Variants in KCNH1 observed in about 807,000 individuals in gnomAD.
The protein encoded by KCNH1 is voltage-gated delayed rectifier potassium channel KCNH1.
Under a neutral mutation model 69.2 loss-of-function variants are expected in KCNH1, and 27 were observed. The observed-to-expected ratio is 0.39, with a 90% CI of 0.29 to 0.54. The LOEUF (loss-of-function observed/expected upper bound fraction) is 0.54. Among genes scored for constraint, KCNH1 ranks in the 20% least tolerant of loss-of-function variants. The pLI, the probability that KCNH1 is intolerant of heterozygous loss-of-function variation, is 0.68. For missense variants in KCNH1, 798 were observed against 1,261.6 expected (o/e 0.63, Z 5.57); for synonymous variants, 456 against 487.7 (o/e 0.93, Z 0.86).
intron 10 of KCNH1, among the ~76,000 whole-genome samples, chr1:210,722,990 C>CTGA (rs572286636): frequency 4.8e-4 from 73 of 152,222 alleles, no homozygotes; most frequent in African/African-American, 1.8e-3. Flanking sequence ...ACAACTTAAC[C>CTGA]TGATAAAAAA....
intron 9 of KCNH1, among the ~76,000 whole-genome samples, chr1:210,793,877 G>A (rs934299428): frequency 3.3e-5 from 5 of 152,162 alleles, no homozygotes; most frequent in African/African-American, 1.2e-4. Flanking sequence ...ATGGCAATGC[G>A]AATCATGCAG....
rs533139542 is a variant in KCNH1, at chr1:211,077,253, C to T, written c.558+5527G>A. On this transcript the variant is annotated intron_variant, in intron 5 of 10. Transcript: ENST00000271751. ...GGCCAACATTCAAATTCAGGAAATA[C>T]GGAGAACTCCACAGACACTCCTCGG... Among the ~76,000 whole-genome samples the T allele has an allele frequency of 5.9e-5, 9 of 152,180 alleles. No homozygotes were observed. In the South Asian group the frequency reaches 6.2e-4, roughly 11 times the overall value.
At chr1:211,072,263 G>A (rs981752240) in intron 5 of KCNH1, among the ~76,000 whole-genome samples, 1 of 152,162 alleles carries the variant, frequency 6.6e-6, no homozygotes, top group African/African-American at 2.4e-5. Flanking sequence ...GCGGCAGAGG[G>A]AGAATCCATC....
intron 5 of KCNH1, among the ~76,000 whole-genome samples, chr1:211,048,622 C>T (rs1349942959): frequency 6.6e-6 from 1 of 152,114 alleles, no homozygotes; most frequent in East Asian, 1.9e-4. Context: ...TATGTTCTCA[C>T]TTATAAGTGC....
chr1:210,989,170 T>G (rs1464505807), intron 6 of KCNH1, among the ~76,000 whole-genome samples: 1 of 152,194 alleles, frequency 6.6e-6, no homozygotes, highest in Non-Finnish European at 1.5e-5. Flanking sequence ...GGGCCAAGTT[T>G]TGTGCTTTTT....
intron 6 of KCNH1, among the ~76,000 whole-genome samples, chr1:210,933,159 T>C (rs1687707814): frequency 6.6e-6 from 1 of 152,186 alleles, no homozygotes; most frequent in African/African-American, 2.4e-5. Flanking sequence ...GTGGCACATA[T>C]ACACCATGGA....
In KCNH1 at chr1:211,012,576, G is replaced by A. The variant is rs7534551; in HGVS notation, c.1032+6207C>T. The stretch of plus-strand genomic sequence containing the variant: ...TGTGATTCCTATGTTATGACATTCT[G>A]AAAATGCAAAACTATAAAGACATCA... On this transcript the variant is annotated intron_variant, in intron 6 of 10. Transcript: ENST00000271751. Among the ~76,000 whole-genome samples, 1,160 of 152,254 alleles carry A rather than the reference G, an allele frequency of 7.6e-3. 19 individuals are homozygous for A. The highest frequency in any genetic ancestry group is 0.026 in the African/African-American group (1,100 of 41,534).
intron 3 of KCNH1, among the ~76,000 whole-genome samples, chr1:211,096,809 A>G (rs1488393319): frequency 6.6e-6 from 1 of 152,244 alleles, no homozygotes; most frequent in Non-Finnish European, 1.5e-5. Flanking sequence ...AGCATGGCCA[A>G]TAAATCTTTG....
chr1:210,980,637 T>C (rs780977036), intron 6 of KCNH1, among the ~76,000 whole-genome samples: 1 of 152,222 alleles, frequency 6.6e-6, no homozygotes, highest in Non-Finnish European at 1.5e-5. Context: ...CTGCATTATA[T>C]GATCCAAGGC....
chr1:210,857,377 G>A (rs1030405585), intron 7 of KCNH1, among the ~76,000 whole-genome samples: 2 of 151,932 alleles, frequency 1.3e-5, no homozygotes, highest in African/African-American at 2.4e-5. Flanking sequence ...TATGCGTAAG[G>A]CCGGACCTTT....
intron 7 of KCNH1, among the ~76,000 whole-genome samples, chr1:210,820,445 C>A (rs1684905996): frequency 6.6e-6 from 1 of 151,942 alleles, no homozygotes; most frequent in Admixed American, 6.6e-5. Context: ...ACCAGCCTGG[C>A]CAACATGGTG....
intron 6 of KCNH1, among the ~76,000 whole-genome samples, chr1:210,995,035 A>G (rs1313889716): frequency 6.6e-6 from 1 of 152,174 alleles, no homozygotes; most frequent in East Asian, 1.9e-4. Context: ...TCTACCCAAT[A>G]TCCATTTCCC....
chr1:210,738,154 G>A (rs1343839059), intron 10 of KCNH1, among the ~76,000 whole-genome samples: 1 of 152,048 alleles, frequency 6.6e-6, no homozygotes, highest in Non-Finnish European at 1.5e-5. Context: ...AGACACCTCA[G>A]GGCCTTTGCA....
intron 5 of KCNH1, among the ~76,000 whole-genome samples, chr1:211,035,484 G>A (rs1475170697): frequency 6.6e-6 from 1 of 151,452 alleles, no homozygotes; most frequent in African/African-American, 2.4e-5. Context: ...TCCTGACCTC[G>A]TGATCCGCCC....
At chr1:210,696,210 T>C (rs1281828465) in intron 10 of KCNH1, among the ~76,000 whole-genome samples, 4 of 152,152 alleles carry the variant, frequency 2.6e-5, no homozygotes, top group African/African-American at 7.2e-5. Context: ...GCACAAGATA[T>C]GCAACACCCC....
chr1:211,000,791 C>T (rs1351954636), intron 6 of KCNH1, among the ~76,000 whole-genome samples: 3 of 152,178 alleles, frequency 2.0e-5, no homozygotes, highest in Admixed American at 2.0e-4. Flanking sequence ...ACCAAAACAG[C>T]ATGGTACTGG....
intron 10 of KCNH1, among the ~76,000 whole-genome samples, chr1:210,729,254 G>C (rs1682683682): frequency 6.6e-6 from 1 of 152,094 alleles, no homozygotes; most frequent in Admixed American, 6.5e-5. Flanking sequence ...TTCTTCTTTA[G>C]GTTTTCTTTT....
intron 5 of KCNH1, among the ~76,000 whole-genome samples, chr1:211,041,655 T>C (rs937621475): frequency 6.6e-6 from 1 of 152,054 alleles, no homozygotes; most frequent in Non-Finnish European, 1.5e-5. Flanking sequence ...AGACTTCAAA[T>C]AAGATCTACA....
At chr1:211,038,400 G>A (rs537718928) in intron 5 of KCNH1, among the ~76,000 whole-genome samples, 37 of 152,254 alleles carry the variant, frequency 2.4e-4, no homozygotes, top group African/African-American at 8.9e-4. Flanking sequence ...CATGAAAACG[G>A]ACTAATACAG....
Sources: gnomAD v4.1 joint callset for allele counts (sites outside exome capture counted in the v4.1 genomes callset) on GRCh38, gnomAD v4.1.1 for gene constraint, MANE v1.5 for transcripts, NCBI Gene and HGNC (gene_info 2026-07-23, HGNC 2026-07-21) for gene names.